Variants in MTURN observed in about 807,000 individuals in gnomAD.
MTURN encodes the protein maturin, neural progenitor differentiation regulator homolog.
A neutral mutation model predicts 14.9 loss-of-function variants in MTURN; 7 were observed. The ratio of observed to expected loss-of-function variants is 0.47; its 90% confidence interval spans 0.27 to 0.88. MTURN has a LOEUF of 0.88. Among genes scored for constraint, MTURN ranks in the 40% least tolerant of loss-of-function variants. The probability of loss-of-function intolerance (pLI) is 0.14; values close to 1 mark genes in which losing one functional copy is unlikely to be tolerated. For synonymous variants in MTURN, 69 were observed against 72.5 expected (o/e 0.95, Z 0.25); for missense variants, 151 against 174.1 (o/e 0.87, Z 0.75).
chr7:30,148,238 GA>G (rs1797156297), intron 2 of MTURN, among the ~76,000 whole-genome samples: 1 of 152,252 alleles, frequency 6.6e-6, no homozygotes, highest in Non-Finnish European at 1.5e-5. Flanking sequence ...TGGGCCATGA[GA>G]AAATCTAGGG....
chr7:30,144,628 G>A (rs1031601574), intron 1 of MTURN, among the ~76,000 whole-genome samples: 8 of 152,192 alleles, frequency 5.3e-5, no homozygotes, highest in Non-Finnish European at 8.8e-5. Flanking sequence ...TGAGAGCAAC[G>A]TGTGTCGAAA....
Position 30,135,112 on chromosome 7 carries a change from G to A in MTURN, c.-25G>A. ...GCCTAGGAGCGGGAGGGCGGGCGGC[G>A]GCGGGAGGCGGGCGCGGGGCCGCGA... On this transcript the variant is annotated 5_prime_UTR_variant, in exon 1 of 3. Transcript: ENST00000324453. The A allele has an allele frequency of 7.1e-7, 1 of 1,412,528 alleles. No individual in the cohort carries two copies. 87.5% of individuals were successfully genotyped at this position (1,412,528 alleles called of 1,614,324 possible). A position where few individuals can be genotyped will look rare whatever the true frequency, so the allele number is the denominator to read the frequency against.
intron 1 of MTURN, among the ~76,000 whole-genome samples, chr7:30,143,338 A>G (rs1034153190): frequency 1.5e-5 from 2 of 134,216 alleles, no homozygotes; most frequent in African/African-American, 5.6e-5. Context: ...CTTGGATCTT[A>G]TTTCCCTCCC....
At position 30,161,455 on chromosome 7, in the gene MTURN, C is replaced by T. The variant is rs546054424; in HGVS notation, c.*3907C>T. 1.3e-5 allele frequency: 2 copies of T among 152,390 alleles called. No individual in the cohort carries two copies. The highest frequency in any genetic ancestry group is 2.4e-5 in the African/African-American group (1 of 41,576). The allele number at this position is 152,390 out of a possible 1,614,324, so 9.4% of individuals were successfully genotyped here. A position where few individuals can be genotyped will look rare whatever the true frequency, so the allele number is the denominator to read the frequency against. On this transcript the variant is annotated 3_prime_UTR_variant, in exon 3 of 3. Coordinates refer to ENST00000324453, the MANE Select transcript of MTURN (RefSeq NM_152793.3). ...CAAGGAGACCAACAGGAACCCTGCT[C>T]ATCTGGTAGGGCTCTTTCCTTCAGT...
Position 30,160,138 on chromosome 7 carries a change from TTA to T in MTURN, c.*2592_*2593del, listed in dbSNP as rs1391054627. 1 of 152,350 alleles carries T rather than the reference TTA, an allele frequency of 6.6e-6. No individual in the cohort carries two copies. Among genetic ancestry groups the T allele is most frequent in the Admixed American group, 6.5e-5 (1 of 15,282 alleles). 9.4% of individuals were successfully genotyped at this position (152,350 alleles called of 1,614,324 possible). Reference sequence around the variant, plus strand: ...TAAACACTGCCCTTCTGTGCCTGCCTTATGTGTGTGTGTGAGTAAGGAGCAAC... The same window carrying T: ...TAAACACTGCCCTTCTGTGCCTGCCTTGTGTGTGTGTGAGTAAGGAGCAAC... On this transcript the variant is annotated 3_prime_UTR_variant, in exon 3 of 3. Transcript: ENST00000324453.
In MTURN at chr7:30,135,054, C is replaced by T. The variant is rs550319753; in HGVS notation, c.-83C>T. On this transcript the variant is annotated 5_prime_UTR_variant, in exon 1 of 3. Coordinates refer to ENST00000324453, the MANE Select transcript of MTURN (RefSeq NM_152793.3). ...CCCGGAGGAGCCCGCGCAGGCCGAG[C>T]CGAGCGCCGCGCTGCCCGCCCGGGA... 12 of 1,149,550 alleles carry T rather than the reference C, an allele frequency of 1.0e-5. No individual in the cohort carries two copies. In the African/African-American group the frequency reaches 1.5e-4, roughly 14 times the overall value. The allele number at this position is 1,149,550 out of a possible 1,614,324, so 71.2% of individuals were successfully genotyped here. A position where few individuals can be genotyped will look rare whatever the true frequency, so the allele number is the denominator to read the frequency against.
At chr7:30,145,772 T>A in intron 1 of MTURN, 1 of 1,416,634 alleles carries the variant, frequency 7.1e-7, no homozygotes, top group Non-Finnish European at 9.4e-7. Context: ...GCTTAATTAA[T>A]CTTTCAGCCG....
intron 1 of MTURN, among the ~76,000 whole-genome samples, chr7:30,141,569 G>A (rs1048088881): frequency 6.6e-5 from 10 of 152,060 alleles, no homozygotes; most frequent in Non-Finnish European, 1.0e-4. Flanking sequence ...TCTTGCTCAC[G>A]CTGGAGTACA....
chr7:30,155,358 T>G (rs1253531154), intron 2 of MTURN, among the ~76,000 whole-genome samples: 1 of 152,248 alleles, frequency 6.6e-6, no homozygotes, highest in East Asian at 1.9e-4. Flanking sequence ...TTACCACTTA[T>G]TTGACACTTT....
intron 2 of MTURN, among the ~76,000 whole-genome samples, chr7:30,154,138 A>G (rs562400816): frequency 6.6e-6 from 1 of 152,286 alleles, no homozygotes; most frequent in East Asian, 1.9e-4. Flanking sequence ...AGAGTCCAGC[A>G]GCAGGGGCTG....
chr7:30,152,114 A>T (rs1336698373), intron 2 of MTURN, among the ~76,000 whole-genome samples: 1 of 152,204 alleles, frequency 6.6e-6, no homozygotes, highest in East Asian at 1.9e-4. Flanking sequence ...TTTCATAATA[A>T]ACATGGAATA....
chr7:30,146,739 A>G (rs1158038952), intron 2 of MTURN, among the ~76,000 whole-genome samples: 1 of 152,170 alleles, frequency 6.6e-6, no homozygotes, highest in Non-Finnish European at 1.5e-5. Context: ...ATGGAAAAGG[A>G]TGAAACTGGA....
rs1024105060 is a variant in MTURN at position 30,144,082 on chromosome 7, C to T, written c.163-2095C>T. Among the ~76,000 whole-genome samples the T allele has an allele frequency of 1.3e-4, 20 of 152,314 alleles. No individual in the cohort carries two copies. In the Middle Eastern group the frequency reaches 0.01, roughly 78 times the overall value. On this transcript the variant is annotated intron_variant, in intron 1 of 2. Coordinates refer to ENST00000324453, the MANE Select transcript of MTURN (RefSeq NM_152793.3). ...GCCTTGTGGCAGATGGTAAGCCCAC[C>T]CCTTCCCCTCTGTCTCCCCCATCCT...
At position 30,160,700 on chromosome 7, in the gene MTURN, T is replaced by G. The variant is rs1313562288; in HGVS notation, c.*3152T>G. 6.6e-6 allele frequency: 1 copy of G among 152,186 alleles called. No homozygotes were observed. The highest frequency in any genetic ancestry group is 1.5e-5 in the Non-Finnish European group (1 of 68,036). The allele number at this position is 152,186 out of a possible 1,614,324, so 9.4% of individuals were successfully genotyped here. On this transcript the variant is annotated 3_prime_UTR_variant, in exon 3 of 3. Transcript: ENST00000324453. ...AACATTACAAAACCGTGATCCTGGG[T>G]TTGAGTGAATCCTAGAGACATTGTT...
At chr7:30,152,154 CTT>C (rs199867190) in intron 2 of MTURN, among the ~76,000 whole-genome samples, 13 of 147,938 alleles carry the variant, frequency 8.8e-5, no homozygotes, top group African/African-American at 2.7e-4. Context: ...TTCTTTTTTC[CTT>C]TTTTTTTTTC....
rs1404373464 is a variant in MTURN at position 30,135,316 on chromosome 7, G to A, written c.162+18G>A. On this transcript the variant is annotated intron_variant, in intron 1 of 2. Coordinates refer to ENST00000324453, the MANE Select transcript of MTURN (RefSeq NM_152793.3). ...ACAATTTTGTGAGTGCCTGGAGGAG[G>A]GACCGCCGGAGCCGGCGGGAGTGTG... 1.3e-5 allele frequency: 20 copies of A among 1,507,516 alleles called. No individual in the cohort carries two copies. Among genetic ancestry groups the A allele is most frequent in the Non-Finnish European group, 1.7e-5 (19 of 1,127,028 alleles). 93.4% of individuals were successfully genotyped at this position (1,507,516 alleles called of 1,614,324 possible).
intron 1 of MTURN, among the ~76,000 whole-genome samples, chr7:30,136,108 GT>G (rs1467150315): frequency 1.6e-5 from 2 of 126,342 alleles, no homozygotes; most frequent in Admixed American, 8.2e-5. Context: ...GCCCGGGCGG[GT>G]TCTCTCCAGC....
chr7:30,160,489 G>A lies in MTURN; in HGVS notation c.*2941G>A, dbSNP rs1213544563. On this transcript the variant is annotated 3_prime_UTR_variant, in exon 3 of 3. Transcript: ENST00000324453. The stretch of plus-strand genomic sequence containing the variant: ...GAGAGATGTGTAGGAAGAATAGCTG[G>A]AAGAAAGTGAAAGATGAGTGCCAGT... 6.6e-6 allele frequency: 1 copy of A among 152,256 alleles called. No individual in the cohort carries two copies. The highest frequency in any genetic ancestry group is 1.5e-5 in the Non-Finnish European group (1 of 68,082). The allele number at this position is 152,256 out of a possible 1,614,324, so 9.4% of individuals were successfully genotyped here.
At chr7:30,135,443 C>G (rs928038343) in intron 1 of MTURN, 145 bp downstream of exon 1, 33 of 664,846 alleles carry the variant, frequency 5.0e-5, no homozygotes, top group Middle Eastern at 1.2e-3. Context: ...CGTGCTCCGC[C>G]GGGGAAGCCC....
Sources: gnomAD v4.1 joint callset for allele counts (sites outside exome capture counted in the v4.1 genomes callset) on GRCh38, gnomAD v4.1.1 for gene constraint, MANE v1.5 for transcripts, NCBI Gene and HGNC (gene_info 2026-07-23, HGNC 2026-07-21) for gene names.